The following DMD variants were observed in gnomAD, a reference collection of about 807,000 sequenced individuals.
DMD encodes the protein mutant dystrophin.
DMD carries 63 observed loss-of-function variants against 330.1 expected under a neutral mutation model. That is an observed-to-expected ratio of 0.19 (90% CI 0.16 to 0.24). The LOEUF (loss-of-function observed/expected upper bound fraction) is 0.24, where lower values mean the gene tolerates loss of function less well. Among genes scored for constraint, DMD ranks in the 10% least tolerant of loss-of-function variants. The pLI, the probability that DMD is intolerant of heterozygous loss-of-function variation, is 1.00. For missense variants in DMD, 3,344 were observed against 2,684.1 expected (o/e 1.25, Z -5.43); for synonymous variants, 1,223 against 959.8 (o/e 1.27, Z -5.07).
intron 50 of DMD, among the ~76,000 whole-genome samples, chrX:31,804,057 C>G (rs891244815): frequency 1.8e-5 from 2 of 111,012 alleles, no homozygotes; most frequent in African/African-American, 6.6e-5. Flanking sequence ...TGTTCTTACC[C>G]TCGAGACTTC....
chrX:31,198,238 C>T (rs1344943622), intron 67 of DMD, among the ~76,000 whole-genome samples: 16 of 111,254 alleles, frequency 1.4e-4, no homozygotes, highest in Non-Finnish European at 2.8e-4. Flanking sequence ...GATAGGGTCT[C>T]ACTATGCTGT....
rs191374204 is a variant in DMD, at chrX:32,495,790, G to C, written c.2381-4272C>G. Among the ~76,000 whole-genome samples the C allele has an allele frequency of 2.1e-3, 239 of 111,825 alleles. 1 individual carries two copies. Among genetic ancestry groups the C allele is most frequent in the Non-Finnish European group, 2.4e-3 (128 of 53,150 alleles). Reference sequence around the variant, plus strand: ...AAAATTTTAACTTTTCTAAGAGTTTGTAAGTGTAAATATCTGAAAAGTTTT... The same window carrying C: ...AAAATTTTAACTTTTCTAAGAGTTTCTAAGTGTAAATATCTGAAAAGTTTT... On this transcript the variant is annotated intron_variant, in intron 19 of 78. Coordinates refer to ENST00000357033, the MANE Select transcript of DMD (RefSeq NM_004006.3).
chrX:31,437,298 T>C (rs1044134357), intron 60 of DMD, among the ~76,000 whole-genome samples: 4 of 111,998 alleles, frequency 3.6e-5, no homozygotes, highest in Admixed American at 9.5e-5. Flanking sequence ...CAATGCTTGA[T>C]GCAAAAATAT....
At chrX:32,783,316 T>A (rs760270290) in intron 7 of DMD, among the ~76,000 whole-genome samples, 1 of 91,462 alleles carries the variant, frequency 1.1e-5, no homozygotes, top group East Asian at 3.1e-4. Context: ...ACATATATGG[T>A]ATATATATAC....
chrX:32,674,094 A>G (rs2061808378), intron 9 of DMD, among the ~76,000 whole-genome samples: 1 of 112,185 alleles, frequency 8.9e-6, no homozygotes, highest in Non-Finnish European at 1.9e-5. Context: ...AGTATTTAGC[A>G]AAATTTATAA....
intron 41 of DMD, among the ~76,000 whole-genome samples, chrX:32,312,472 A>T (rs917634613): frequency 7.2e-5 from 8 of 111,303 alleles, no homozygotes; most frequent in African/African-American, 2.3e-4. Flanking sequence ...ACTTAGCTGT[A>T]TGGTCAAATA....
intron 7 of DMD, chrX:32,756,200 G>C (rs758328058): frequency 4.5e-5 from 5 of 112,153 alleles, no homozygotes; most frequent in Non-Finnish European, 7.5e-5. Context: ...AAGAAATTCA[G>C]TCCTGAACAG....
intron 1 of DMD, among the ~76,000 whole-genome samples, chrX:33,156,583 G>A (rs1569556741): frequency 8.9e-6 from 1 of 111,827 alleles, no homozygotes; most frequent in Non-Finnish European, 1.9e-5. Context: ...ATAAGCAAGA[G>A]AGCCAGATTA....
intron 63 of DMD, among the ~76,000 whole-genome samples, chrX:31,229,027 T>A (rs1206550135): frequency 8.9e-6 from 1 of 112,084 alleles, no homozygotes; most frequent in East Asian, 2.8e-4. Flanking sequence ...AAACAAGTAA[T>A]AGGCTTCTCT....
At chrX:31,715,555 A>AG (rs2084984135) in intron 52 of DMD, among the ~76,000 whole-genome samples, 2 of 109,044 alleles carry the variant, frequency 1.8e-5, no homozygotes, top group Admixed American at 2.0e-4. Flanking sequence ...AAAAAAAAAA[A>AG]AAAAAAAATT....
At position 33,242,985 on chromosome X, in the gene DMD, T is replaced by A. The variant is rs1253649097; in HGVS notation, c.7+96274A>T. Among the ~76,000 whole-genome samples the A allele has an allele frequency of 1.9e-4, 21 of 111,957 alleles. No individual in the cohort carries two copies. The Admixed American group carries it at 2.0e-3, about 11-fold the overall frequency. On this transcript the variant is annotated intron_variant, in intron 1 of 17. Coordinates refer to the DMD transcript ENST00000288447. Reference sequence around the variant, plus strand: ...CTGATTTGTTTGTGTTCATTGTAGATTCTGGATATTAGTCCTCTGTCAGAT... The same window carrying A: ...CTGATTTGTTTGTGTTCATTGTAGAATCTGGATATTAGTCCTCTGTCAGAT...
chrX:31,473,095 G>A lies in DMD; in HGVS notation c.8937+5011C>T, dbSNP rs750869080. 1.3e-4 allele frequency among the ~76,000 whole-genome samples: 14 copies of A among 110,794 alleles called. No individual in the cohort carries two copies. The East Asian group carries it at 2.6e-3, about 20-fold the overall frequency. On this transcript the variant is annotated intron_variant, in intron 59 of 78. Transcript: ENST00000357033. ...TTATAGTCTGGGCGCAGTGGCTCAC[G>A]CCTGTAATCCCAGCACTTTGGGAGG... is the stretch of plus-strand genomic sequence containing the variant.
At chrX:33,161,252 A>G (rs1269035345) in intron 1 of DMD, among the ~76,000 whole-genome samples, 1 of 111,612 alleles carries the variant, frequency 9.0e-6, no homozygotes, top group Non-Finnish European at 1.9e-5. Flanking sequence ...GGTATCACAA[A>G]TGGCGGCTGC....
chrX:32,483,820 CAAAAAAAAAA>C (rs770119472), intron 21 of DMD, among the ~76,000 whole-genome samples: 3 of 37,257 alleles, frequency 8.1e-5, no homozygotes, highest in South Asian at 2.9e-3. Context: ...CTCTGAAGTA[CAAAAAAAAAA>C]AAAAAAAAAA....
intron 47 of DMD, among the ~76,000 whole-genome samples, chrX:31,893,739 T>C (rs891392518): frequency 3.3e-4 from 36 of 110,370 alleles, no homozygotes; most frequent in African/African-American, 1.1e-3. Flanking sequence ...GGGATTACAC[T>C]AGTGCTGCAT....
intron 12 of DMD, among the ~76,000 whole-genome samples, chrX:32,612,540 C>T (rs748551697): frequency 1.8e-5 from 2 of 111,567 alleles, no homozygotes; most frequent in African/African-American, 6.5e-5. Flanking sequence ...CCAGGGAAGC[C>T]AACGGGTTGG....
intron 51 of DMD, among the ~76,000 whole-genome samples, chrX:31,738,510 G>A (rs906489048): frequency 3.6e-5 from 4 of 112,245 alleles, no homozygotes; most frequent in Non-Finnish European, 3.8e-5. Flanking sequence ...ATGGAGAACC[G>A]TTTGGAGGTT....
chrX:33,223,260 G>T (rs1288818889), intron 1 of DMD, among the ~76,000 whole-genome samples: 1 of 111,952 alleles, frequency 8.9e-6, no homozygotes, highest in African/African-American at 3.2e-5. Flanking sequence ...GCAGTGAGCC[G>T]AGATCATGCC....
At chrX:31,631,949 T>C (rs1396449109) in intron 54 of DMD, among the ~76,000 whole-genome samples, 2 of 111,425 alleles carry the variant, frequency 1.8e-5, no homozygotes, top group Non-Finnish European at 3.8e-5. Flanking sequence ...GTTGGAGCTA[T>C]AAAGCTTAGT....
Sources: allele counts gnomAD v4.1 joint callset (sites outside exome capture counted in the v4.1 genomes callset), GRCh38; gene constraint gnomAD v4.1.1; transcripts MANE v1.5; gene names NCBI Gene and HGNC (gene_info 2026-07-23, HGNC 2026-07-21).